Variants in CDC42BPA observed in about 807,000 individuals in gnomAD.
The protein encoded by CDC42BPA is serine/threonine-protein kinase MRCK alpha.
CDC42BPA carries 80 observed loss-of-function variants against 223.5 expected under a neutral mutation model. That is an observed-to-expected ratio of 0.36 (90% CI 0.30 to 0.43). CDC42BPA has a LOEUF of 0.43. Ranked by LOEUF, CDC42BPA falls within the 20% of genes least tolerant of loss-of-function variation. The pLI is 1.00. For missense variants in CDC42BPA, 1,743 were observed against 2,099.9 expected, an observed-to-expected ratio of 0.83 and a Z score of 3.32; for synonymous variants, 694 against 718.6, an observed-to-expected ratio of 0.97 and a Z score of 0.55.
At chr1:227,217,244 C>T (rs1362186511) in intron 2 of CDC42BPA, among the ~76,000 whole-genome samples, 1 of 151,870 alleles carries the variant, frequency 6.6e-6, no homozygotes, top group Non-Finnish European at 1.5e-5. Flanking sequence ...GTCAGGAGTT[C>T]GAGACCAGTC....
intron 8 of CDC42BPA, among the ~76,000 whole-genome samples, chr1:227,144,773 C>A (rs1007696234): frequency 2.6e-5 from 4 of 152,056 alleles, no homozygotes; most frequent in Non-Finnish European, 5.9e-5. Flanking sequence ...TTGGACTGGC[C>A]GAATAATTGG....
chr1:227,014,421 A>G (rs780405657), intron 34 of CDC42BPA, among the ~76,000 whole-genome samples: 10 of 152,106 alleles, frequency 6.6e-5, no homozygotes, highest in Non-Finnish European at 1.5e-4. Context: ...ATATTTTGAT[A>G]TTATTGGTAA....
At position 227,080,754 on chromosome 1, in the gene CDC42BPA, A is replaced by T. The variant is rs1680464623; in HGVS notation, c.2480+139T>A. ...GTAGAACACAACAGATCAGTAATAA[A>T]ACTGTGCTTTTCAGAGTAACTTATT... On this transcript the variant is annotated intron_variant, in intron 17 of 36. Transcript: ENST00000366766. 1.9e-5 allele frequency: 18 copies of T among 938,934 alleles called. No homozygotes were observed. In the East Asian group the frequency reaches 3.7e-4, roughly 19 times the overall value. 58.2% of individuals were successfully genotyped at this position (938,934 alleles called of 1,614,324 possible). A position where few individuals can be genotyped will look rare whatever the true frequency, so the allele number is the denominator to read the frequency against.
intron 1 of CDC42BPA, among the ~76,000 whole-genome samples, chr1:227,305,227 G>A (rs576443324): frequency 1.3e-5 from 2 of 152,248 alleles, no homozygotes; most frequent in African/African-American, 4.8e-5. Flanking sequence ...CTGTAAACTC[G>A]AGATTATTTC....
At chr1:227,242,525 CTA>C (rs1236960361) in intron 2 of CDC42BPA, among the ~76,000 whole-genome samples, 1 of 151,928 alleles carries the variant, frequency 6.6e-6, no homozygotes, top group African/African-American at 2.4e-5. Flanking sequence ...TATGTACAAA[CTA>C]GAAGAAGTTA....
chr1:227,162,866 A>ATG (rs71574598), intron 5 of CDC42BPA, among the ~76,000 whole-genome samples: 9 of 127,186 alleles, frequency 7.1e-5, no homozygotes, highest in Admixed American at 1.5e-4. Flanking sequence ...AAATAAATAT[A>ATG]TATGTGTGTG....
At chr1:227,306,586 ATAT>A (rs1692592934) in intron 1 of CDC42BPA, among the ~76,000 whole-genome samples, 1 of 152,224 alleles carries the variant, frequency 6.6e-6, no homozygotes, top group South Asian at 2.1e-4. Flanking sequence ...AGACCTGAAA[ATAT>A]TATTGTAGTT....
rs1437654063 is a variant in CDC42BPA at position 227,316,888 on chromosome 1, GT to G, written c.178+116del. The stretch of plus-strand genomic sequence containing the variant: ...GGAAAATCTTGAATAACTAGTGTCT[GT>G]TTTTTTATTGTATTTTTTCTTTGAA... On this transcript the variant is annotated intron_variant, in intron 1 of 36. Transcript: ENST00000366766. The G allele has an allele frequency of 1.7e-5, 13 of 762,874 alleles. No homozygotes were observed. In the East Asian group the frequency reaches 2.6e-4, roughly 15 times the overall value. The allele number at this position is 762,874 out of a possible 1,614,324, so 47.3% of individuals were successfully genotyped here.
At chr1:227,084,343 C>G (rs1456438867) in intron 16 of CDC42BPA, among the ~76,000 whole-genome samples, 1 of 151,932 alleles carries the variant, frequency 6.6e-6, no homozygotes, top group Non-Finnish European at 1.5e-5. Flanking sequence ...GCCTGGCCAA[C>G]ATGGTAAAAC....
intron 11 of CDC42BPA, among the ~76,000 whole-genome samples, chr1:227,123,274 C>T (rs1478422336): frequency 6.6e-6 from 1 of 152,164 alleles, no homozygotes; most frequent in Non-Finnish European, 1.5e-5. Context: ...TGCACTCCAG[C>T]CTGGGTGACA....
rs1010294112 is a variant in CDC42BPA, at chr1:226,994,697, G to C, written c.5133+126C>G. Reference sequence around the variant, plus strand: ...ACTGGCCTAGCTGCCCGCTGGCCAAGAGTGAATGCTGGCCCCTGACCCCGA... The same window carrying C: ...ACTGGCCTAGCTGCCCGCTGGCCAACAGTGAATGCTGGCCCCTGACCCCGA... On this transcript the variant is annotated intron_variant, in intron 36 of 36. Transcript: ENST00000366766. The surrounding 1 kb of genome is among the most constrained non-coding windows in gnomAD (Gnocchi z 4.0). 3.0e-6 allele frequency: 3 copies of C among 1,011,914 alleles called. No homozygotes were observed. Among genetic ancestry groups the C allele is most frequent in the Non-Finnish European group, 4.3e-6 (3 of 691,384 alleles). The allele number at this position is 1,011,914 out of a possible 1,614,324, so 62.7% of individuals were successfully genotyped here.
intron 2 of CDC42BPA, among the ~76,000 whole-genome samples, chr1:227,215,292 G>C (rs1029268978): frequency 2.0e-5 from 3 of 152,166 alleles, no homozygotes; most frequent in African/African-American, 7.2e-5. Context: ...AGTGGTGATA[G>C]CATGGATTCT....
At position 227,139,698 on chromosome 1, in the gene CDC42BPA, G is replaced by A. The variant is rs776473390; in HGVS notation, c.1268C>T (p.Thr423Ile). Residue 423 changes from threonine (T) to isoleucine (I), a missense_variant, in exon 10 of 37, where the codon ACC (threonine) becomes ATC (isoleucine). Coordinates refer to ENST00000366766, the MANE Select transcript of CDC42BPA (RefSeq NM_001394014.1). ...RSCLRVTAGP[T>I]SLDLDVNVQR... The stretch of plus-strand genomic sequence containing the variant: ...AACATTAACATCAAGATCCAGTGAG[G>A]TGGGACCAGCCGTAACTCTTAAACA... The A allele has an allele frequency of 6.2e-7, 1 of 1,603,996 alleles. No homozygotes were observed. The highest frequency in any genetic ancestry group is 1.3e-5 in the African/African-American group (1 of 74,470).
At chr1:227,152,721 A>G (rs909735184) in intron 6 of CDC42BPA, among the ~76,000 whole-genome samples, 3 of 152,178 alleles carry the variant, frequency 2.0e-5, no homozygotes, top group African/African-American at 7.2e-5. Flanking sequence ...AAATTTATAC[A>G]TGGATTAAAT....
chr1:227,193,935 CTGTG>C lies in CDC42BPA; in HGVS notation c.451-5_451-2del. On this transcript the variant is annotated splice_acceptor_variant and splice_polypyrimidine_tract_variant and intron_variant, in intron 4 of 36. Coordinates refer to ENST00000366766, the MANE Select transcript of CDC42BPA (RefSeq NM_001394014.1). LOFTEE classifies it high-confidence loss of function. ...CAACATAATAATCCATAACCAGGTA[CTGTG>C]AATGAAAAAAATAAAATGTACTCAG... is the stretch of plus-strand genomic sequence containing the variant. The C allele has an allele frequency of 6.3e-7, 1 of 1,597,402 alleles. No homozygotes were observed.
At position 227,317,774 on chromosome 1, in the gene CDC42BPA, G is replaced by A. The variant is rs185646043; in HGVS notation, c.-592C>T. 5.0e-6 allele frequency: 2 copies of A among 398,504 alleles called. No individual in the cohort carries two copies. The highest frequency in any genetic ancestry group is 4.1e-5 in the African/African-American group (2 of 48,650). 24.7% of individuals were successfully genotyped at this position (398,504 alleles called of 1,614,324 possible). ...CAATTTCTCCAGCGGGAAAGGGAGG[G>A]GGCGAGGTCCCTGAAGCAGCCCCTC... is the stretch of plus-strand genomic sequence containing the variant. On this transcript the variant is annotated 5_prime_UTR_variant, in exon 1 of 37. Coordinates refer to ENST00000366766, the MANE Select transcript of CDC42BPA (RefSeq NM_001394014.1).
intron 16 of CDC42BPA, among the ~76,000 whole-genome samples, chr1:227,089,040 T>C (rs1308726984): frequency 6.6e-6 from 1 of 152,218 alleles, no homozygotes; most frequent in Non-Finnish European, 1.5e-5. Flanking sequence ...ATGAATTATC[T>C]TTTAATAGAA....
intron 10 of CDC42BPA, among the ~76,000 whole-genome samples, chr1:227,132,495 C>T (rs576249784): frequency 1.5e-5 from 2 of 135,064 alleles, no homozygotes; most frequent in Admixed American, 1.5e-4. Context: ...ATCTACCTCC[C>T]AGCCGCCTGC....
intron 5 of CDC42BPA, among the ~76,000 whole-genome samples, chr1:227,169,418 T>TA (rs1246582589): frequency 6.6e-6 from 1 of 152,200 alleles, no homozygotes; most frequent in African/African-American, 2.4e-5. Context: ...TTTCTTTTTT[T>TA]AATCAGCTGA....
Sources: allele counts gnomAD v4.1 joint callset (sites outside exome capture counted in the v4.1 genomes callset), GRCh38; gene constraint gnomAD v4.1.1; non-coding constraint Gnocchi (gnomAD v3.1); transcripts MANE v1.5; gene names NCBI Gene and HGNC (gene_info 2026-07-23, HGNC 2026-07-21).